MGAM: variants seen among roughly 807,000 people sequenced by gnomAD.
MGAM encodes the protein alpha-1,4-glucosidase.
Under a neutral mutation model 358.8 loss-of-function variants are expected in MGAM, and 253 were observed. The ratio of observed to expected loss-of-function variants is 0.71; its 90% confidence interval spans 0.64 to 0.78. The LOEUF (loss-of-function observed/expected upper bound fraction) is 0.78. Among genes scored for constraint, MGAM ranks in the 30% least tolerant of loss-of-function variants. The probability of loss-of-function intolerance (pLI) is 0.00; values close to 1 mark genes in which losing one functional copy is unlikely to be tolerated. For synonymous variants in MGAM, 1,105 were observed against 1,227.1 expected (o/e 0.90, Z 2.08); for missense variants, 3,080 against 3,432.6 (o/e 0.90, Z 2.57).
chr7:141,998,240 T>C (rs1043579909), intron 1 of MGAM, among the ~76,000 whole-genome samples: 7 of 152,300 alleles, frequency 4.6e-5, no homozygotes, highest in African/African-American at 1.7e-4. Context: ...ATAGTAATAA[T>C]TCTTTTTTTA....
chr7:142,040,135 A>G lies in MGAM; in HGVS notation c.2337A>G (p.Ala779=), dbSNP rs760283131. The part of the protein sequence containing the change: ...VLDEGAEKVM[A]YVPDAVWYDY... ...TTCAGGGTGCAGAGAAAGTGATGGC[A>G]TATGTGCCTGATGCTGTCTGGTATG... is the stretch of plus-strand genomic sequence containing the variant. Residue 779 remains alanine (A), a synonymous_variant, in exon 20 of 71, where the codon GCA becomes GCG. Transcript: ENST00000475668. 1.2e-6 allele frequency: 2 copies of G among 1,612,682 alleles called. No individual in the cohort carries two copies. The highest frequency in any genetic ancestry group is 2.2e-5 in the South Asian group (2 of 90,866).
intron 53 of MGAM, among the ~76,000 whole-genome samples, chr7:142,083,945 TATG>T (rs764970196): frequency 2.1e-5 from 3 of 143,366 alleles, no homozygotes; most frequent in African/African-American, 4.9e-5. Context: ...GTGTGAAGAA[TATG>T]GTGGTGGTAG....
chr7:142,089,686 C>T (rs1156587842), intron 57 of MGAM, among the ~76,000 whole-genome samples: 1 of 145,150 alleles, frequency 6.9e-6, no homozygotes, highest in Admixed American at 6.9e-5. Context: ...ACTTAGGAGG[C>T]TGAGGTAGGA....
At chr7:142,104,720 C>T (rs1159323849) in intron 70 of MGAM, among the ~76,000 whole-genome samples, 1 of 152,138 alleles carries the variant, frequency 6.6e-6, no homozygotes, top group Non-Finnish European at 1.5e-5. Context: ...GCTTGGCTCA[C>T]AGTAATTCTA....
chr7:142,088,731 GTCTGTCTGTCTGTCTGTCTA>G (rs1427037751), intron 57 of MGAM, among the ~76,000 whole-genome samples: 8 of 88,956 alleles, frequency 9.0e-5, no homozygotes, highest in African/African-American at 3.7e-4. Flanking sequence ...ATGTCTGTCT[GTCTGTCTGTCTGTCTGTCTA>G]TCTATCTATC....
rs1367868553 is a variant in MGAM, at chr7:142,021,488, G to A, written c.559-98G>A. On this transcript the variant is annotated intron_variant, in intron 5 of 70. Transcript: ENST00000475668. Reference sequence around the variant, plus strand: ...TACATCTACCTAAGATATGAGGTCAGTTTGATCAGTGCCTGATTCCAGTAT... The same window carrying A: ...TACATCTACCTAAGATATGAGGTCAATTTGATCAGTGCCTGATTCCAGTAT... 12 of 1,239,954 alleles carry A rather than the reference G, an allele frequency of 9.7e-6. No individual in the cohort carries two copies. The African/African-American group carries it at 1.8e-4, about 19-fold the overall frequency. The allele number at this position is 1,239,954 out of a possible 1,614,324, so 76.8% of individuals were successfully genotyped here. A position where few individuals can be genotyped will look rare whatever the true frequency, so the allele number is the denominator to read the frequency against.
At chr7:142,020,068 CAAA>C (rs10601773) in intron 4 of MGAM, among the ~76,000 whole-genome samples, 1,939 of 136,622 alleles carry the variant, frequency 0.014, 25 homozygotes, top group South Asian at 0.064. Context: ...GACTCCGTCT[CAAA>C]AAAAAAAAAA....
chr7:142,040,468 C>T (rs938409045), intron 20 of MGAM: 2 of 587,834 alleles, frequency 3.4e-6, no homozygotes, highest in East Asian at 2.8e-5. Context: ...AGGAATCAGA[C>T]TATCTGTTTA....
At chr7:142,057,019 ACT>A (rs1811619957) in intron 30 of MGAM, 77 bp downstream of exon 30, 1 of 1,326,960 alleles carries the variant, frequency 7.5e-7, no homozygotes, top group African/African-American at 1.5e-5. Context: ...GATTAGTATA[ACT>A]CTCAGTTGAC....
chr7:142,027,384 A>G (rs1365636964), intron 9 of MGAM, among the ~76,000 whole-genome samples, 157 bp downstream of exon 9: 2 of 152,238 alleles, frequency 1.3e-5, no homozygotes, highest in Non-Finnish European at 2.9e-5. Context: ...AACTTGCTGT[A>G]TAGCATTTTT....
intron 7 of MGAM, among the ~76,000 whole-genome samples, chr7:142,023,430 C>CATAT (rs111642860): frequency 0.031 from 4,603 of 148,220 alleles, 224 homozygotes; most frequent in African/African-American, 0.11. Flanking sequence ...ATTTATTAGT[C>CATAT]ATATATATAT....
At chr7:142,070,261 T>C (rs1212209522) in intron 43 of MGAM, among the ~76,000 whole-genome samples, 2 of 145,610 alleles carry the variant, frequency 1.4e-5, no homozygotes, top group African/African-American at 4.9e-5. Context: ...AATCTCATAA[T>C]TAGGATTAAT....
chr7:142,065,793 T>A lies in MGAM; in HGVS notation c.4732T>A (p.Tyr1578Asn). ...CVRWMQLGAF[Y>N]PFSRNHNTIG... is the part of the protein sequence containing the mutation. ...TCGCTGGATGCAGCTGGGGGCCTTT[T>A]ACCCCTTCTCAAGAAACCACAATAC... Residue 1578 changes from tyrosine to asparagine, a missense_variant, in exon 40 of 71, where the codon TAC (tyrosine) becomes AAC (asparagine). Physicochemically the swap from Tyr to Asn is moderately radical, Grantham distance 143. This residue lies in a region of MGAM where 134 missense variants were observed against 198.4 expected (regional missense o/e 0.68). Coordinates refer to ENST00000475668, the MANE Select transcript of MGAM (RefSeq NM_001365693.1). The A allele has an allele frequency of 6.4e-7, 1 of 1,556,472 alleles. No homozygotes were observed. Among genetic ancestry groups the A allele is most frequent in the Non-Finnish European group, 8.8e-7 (1 of 1,132,732 alleles).
At position 142,082,588 on chromosome 7, in the gene MGAM, C is replaced by T; in HGVS notation, c.6268+17C>T. ...ATGCCATGGGTAAGGCCATCCAGCG[C>T]CTCCCTTATTTTGGGGGGATACCAG... On this transcript the variant is annotated intron_variant, in intron 52 of 70. Transcript: ENST00000475668. 3.4e-6 allele frequency: 5 copies of T among 1,477,508 alleles called. No individual in the cohort carries two copies. Among genetic ancestry groups the T allele is most frequent in the Non-Finnish European group, 4.6e-6 (5 of 1,084,474 alleles). 91.5% of individuals were successfully genotyped at this position (1,477,508 alleles called of 1,614,324 possible). A position where few individuals can be genotyped will look rare whatever the true frequency, so the allele number is the denominator to read the frequency against.
At chr7:142,034,867 A>T (rs574066715) in intron 16 of MGAM, 26 bp downstream of exon 16, 1 of 1,587,630 alleles carries the variant, frequency 6.3e-7, no homozygotes, top group East Asian at 2.3e-5. Flanking sequence ...AAGCTCTCTT[A>T]TGAACCTGAA....
intron 27 of MGAM, among the ~76,000 whole-genome samples, chr7:142,055,250 G>C (rs181682357): frequency 2.3e-4 from 35 of 152,272 alleles, no homozygotes; most frequent in African/African-American, 7.9e-4. Flanking sequence ...GGACTGAGGG[G>C]TGCAAGGATG....
In MGAM at chr7:142,066,184, A is replaced by G. The variant is rs1812738092; in HGVS notation, c.4770+353A>G. Among the ~76,000 whole-genome samples, 2 of 144,810 alleles carry G rather than the reference A, an allele frequency of 1.4e-5. 1 individual carries two copies. The highest frequency in any genetic ancestry group is 4.5e-4 in the South Asian group (2 of 4,492). On this transcript the variant is annotated intron_variant, in intron 40 of 70. Coordinates refer to ENST00000475668, the MANE Select transcript of MGAM (RefSeq NM_001365693.1). Reference sequence around the variant, plus strand: ...GCCATATTTCACAGGATGGTCTCGAACTCCTGGGCTCAAGCGATCCACTCG... The same window carrying G: ...GCCATATTTCACAGGATGGTCTCGAGCTCCTGGGCTCAAGCGATCCACTCG...
Position 142,076,770 on chromosome 7 carries a change from C to T in MGAM, c.5437C>T (p.His1813Tyr). 2 of 1,555,282 alleles carry T rather than the reference C, an allele frequency of 1.3e-6. No homozygotes were observed. The highest frequency in any genetic ancestry group is 1.8e-6 in the Non-Finnish European group (2 of 1,131,664). The stretch of plus-strand genomic sequence containing the variant: ...GGAACCTAGCAATGTTACGGTGAAA[C>T]ACAATGGTGTCCCAAGTCAGACTTC... The part of the protein sequence containing the change: ...MEEPSNVTVK[H>Y]NGVPSQTSPT... Residue 1813 changes from histidine to tyrosine, a missense_variant, in exon 47 of 71, where the codon CAC (histidine) becomes TAC (tyrosine). Physicochemically the swap from His to Tyr is moderately conservative, Grantham distance 83. This residue lies in a region of MGAM where 932 missense variants were observed against 1,198.2 expected (regional missense o/e 0.78). Transcript: ENST00000475668.
At position 142,095,303 on chromosome 7, in the gene MGAM, T is replaced by C. The variant is rs1815793853; in HGVS notation, c.7459-262T>C. On this transcript the variant is annotated intron_variant, in intron 63 of 70. Transcript: ENST00000475668. ...ATATTCCTCAGTGTTCTTTAGGTTATTATTATGTTTTGTTCTTCTTGTTTG... is the reference window on the plus strand; with the variant it reads ...ATATTCCTCAGTGTTCTTTAGGTTACTATTATGTTTTGTTCTTCTTGTTTG... Among the ~76,000 whole-genome samples the C allele has an allele frequency of 3.3e-5, 5 of 152,264 alleles. No homozygotes were observed. In the South Asian group the frequency reaches 1.0e-3, roughly 32 times the overall value.
Sources: gnomAD v4.1 joint callset for allele counts (sites outside exome capture counted in the v4.1 genomes callset) on GRCh38, gnomAD v4.1.1 for gene constraint, gnomAD v4.1.1 regional missense constraint, MANE v1.5 for transcripts, NCBI Gene and HGNC (gene_info 2026-07-23, HGNC 2026-07-21) for gene names.